The following POLR2B variants were observed in gnomAD, a reference collection of about 807,000 sequenced individuals.
POLR2B encodes RNA polymerase II subunit B, also known as DNA-directed RNA polymerase II subunit RPB2.
A neutral mutation model predicts 144.6 loss-of-function variants in POLR2B; 57 were observed. That is an observed-to-expected ratio of 0.39 (90% CI 0.32 to 0.49). The LOEUF (loss-of-function observed/expected upper bound fraction) is 0.49. POLR2B is among the 20% of genes least tolerant of loss of function. The probability of loss-of-function intolerance (pLI) is 0.83; values close to 1 mark genes in which losing one functional copy is unlikely to be tolerated. For synonymous variants in POLR2B, 442 were observed against 469.8 expected, an observed-to-expected ratio of 0.94 and a Z score of 0.77; for missense variants, 595 against 1,467.4, an observed-to-expected ratio of 0.41 and a Z score of 9.71.
chr4:56,981,102 C>T (rs1262175638), intron 1 of POLR2B, among the ~76,000 whole-genome samples: 1 of 152,148 alleles, frequency 6.6e-6, no homozygotes, highest in Non-Finnish European at 1.5e-5. Context: ...CAAGCCCAGC[C>T]TCCACAGTTT....
At chr4:57,007,060 G>T in intron 10 of POLR2B, 58 bp downstream of exon 10, 1 of 1,176,102 alleles carries the variant, frequency 8.5e-7, no homozygotes, top group East Asian at 2.4e-5. Flanking sequence ...AGGACTAGTA[G>T]ATTCTTTTGT....
At position 57,017,360 on chromosome 4, in the gene POLR2B, T is replaced by C. The variant is rs1462879528; in HGVS notation, c.2154+119T>C. On this transcript the variant is annotated intron_variant, in intron 15 of 24. Coordinates refer to ENST00000314595, the MANE Select transcript of POLR2B (RefSeq NM_000938.3). The surrounding 1 kb of genome is among the most constrained non-coding windows in gnomAD (Gnocchi z 4.8). ...TTTTAATGAAAAGGCTATTAACTCC[T>C]ACGGAATCAGTATTTGATATAATTG... is the stretch of plus-strand genomic sequence containing the variant. 8.6e-6 allele frequency: 7 copies of C among 814,184 alleles called. No individual in the cohort carries two copies. The East Asian group carries it at 1.2e-4, about 14-fold the overall frequency. The allele number at this position is 814,184 out of a possible 1,614,324, so 50.4% of individuals were successfully genotyped here.
chr4:57,021,582 G>A (rs1723552454), intron 17 of POLR2B, among the ~76,000 whole-genome samples: 1 of 146,780 alleles, frequency 6.8e-6, no homozygotes, highest in Non-Finnish European at 1.5e-5. Flanking sequence ...CTGCCTCCCA[G>A]GTTTCAAGAG....
intron 18 of POLR2B, 78 bp downstream of exon 18, chr4:57,022,324 T>G: frequency 1.7e-5 from 14 of 841,890 alleles, no homozygotes; most frequent in Non-Finnish European, 2.6e-5. Context: ...TGATGGGTTG[T>G]GTCACCCTGT....
At chr4:57,003,322 C>T (rs1029696680) in intron 7 of POLR2B, among the ~76,000 whole-genome samples, 1 of 152,110 alleles carries the variant, frequency 6.6e-6, no homozygotes, top group Admixed American at 6.6e-5. Context: ...CCCAGCTACT[C>T]AGGAGGCTGA....
chr4:57,007,743 A>G (rs1448111103), intron 10 of POLR2B, among the ~76,000 whole-genome samples: 2 of 152,204 alleles, frequency 1.3e-5, no homozygotes, highest in Non-Finnish European at 2.9e-5. Flanking sequence ...AGATGGAGTA[A>G]TGGAGAAAAG....
chr4:57,023,394 A>T lies in POLR2B; in HGVS notation c.2580A>T (p.Val860=). The T allele has an allele frequency of 5.6e-6, 9 of 1,613,902 alleles. No individual in the cohort carries two copies. Among genetic ancestry groups the T allele is most frequent in the Non-Finnish European group, 6.8e-6 (8 of 1,179,788 alleles). Residue 860 remains valine (V), a synonymous_variant, in exon 19 of 25, where the codon GTA becomes GTT. Transcript: ENST00000314595. The surrounding 1 kb of genome is among the most constrained non-coding windows in gnomAD (Gnocchi z 4.3). The part of the protein sequence containing the change: ...DDGLIAPGVR[V]SGDDVIIGKT... ...GTTTGATAGCTCCAGGGGTTCGTGTATCAGGAGATGATGTTATTATAGGCA... is the reference window on the plus strand; with the variant it reads ...GTTTGATAGCTCCAGGGGTTCGTGTTTCAGGAGATGATGTTATTATAGGCA...
Position 57,023,983 on chromosome 4 carries a change from C to A in POLR2B, c.2857-22C>A. 1.5e-6 allele frequency: 2 copies of A among 1,377,078 alleles called. No individual in the cohort carries two copies. The highest frequency in any genetic ancestry group is 1.3e-5 in the South Asian group (1 of 77,586). The allele number at this position is 1,377,078 out of a possible 1,614,324, so 85.3% of individuals were successfully genotyped here. A position where few individuals can be genotyped will look rare whatever the true frequency, so the allele number is the denominator to read the frequency against. On this transcript the variant is annotated intron_variant, in intron 20 of 24. Transcript: ENST00000314595. The surrounding 1 kb of genome is among the most constrained non-coding windows in gnomAD (Gnocchi z 4.3). The stretch of plus-strand genomic sequence containing the variant: ...GTTTAGTATATGTATCTTTGAGTCC[C>A]TTTTAAAATTTTTCTTTGTAGGATA...
intron 3 of POLR2B, 113 bp from the exon 4 acceptor site, chr4:56,994,291 C>G: frequency 1.6e-6 from 1 of 618,436 alleles, no homozygotes; most frequent in East Asian, 2.8e-5. Context: ...ATTAATTTTG[C>G]CAGTTTGTAG....
chr4:56,987,462 A>G (rs191876776), intron 2 of POLR2B, among the ~76,000 whole-genome samples: 1 of 152,174 alleles, frequency 6.6e-6, no homozygotes, highest in Non-Finnish European at 1.5e-5. Context: ...ATGATGATGG[A>G]TGCCTCTCTG....
chr4:56,991,788 C>T (rs1722514669), intron 3 of POLR2B, among the ~76,000 whole-genome samples: 2 of 151,968 alleles, frequency 1.3e-5, no homozygotes, highest in African/African-American at 2.4e-5. Flanking sequence ...TTCTTTTTTA[C>T]AGGGTCTATA....
intron 18 of POLR2B, among the ~76,000 whole-genome samples, chr4:57,022,900 ATTGAG>A (rs1181183114): frequency 2.0e-5 from 3 of 152,196 alleles, no homozygotes; most frequent in African/African-American, 7.2e-5. Context: ...TGGAGTTAAG[ATTGAG>A]TTAAGATGAA....
intron 7 of POLR2B, among the ~76,000 whole-genome samples, chr4:57,003,267 T>A (rs1289243821): frequency 6.6e-6 from 1 of 151,140 alleles, no homozygotes; most frequent in Non-Finnish European, 1.5e-5. Context: ...CTGTGTCTAC[T>A]AAAAATACAA....
At chr4:57,016,800 G>A (rs1273625281) in intron 14 of POLR2B, among the ~76,000 whole-genome samples, 2 of 149,442 alleles carry the variant, frequency 1.3e-5, no homozygotes, top group Admixed American at 6.7e-5. Context: ...ACTGGTAACA[G>A]TTAGGTGTGT....
chr4:57,014,435 T>G (rs779360538), intron 13 of POLR2B, among the ~76,000 whole-genome samples: 2 of 152,050 alleles, frequency 1.3e-5, no homozygotes, highest in Non-Finnish European at 2.9e-5. Flanking sequence ...CTCAAGGTGA[T>G]CTGCCCACCT....
At chr4:57,027,057 G>A (rs1723744985) in intron 23 of POLR2B, among the ~76,000 whole-genome samples, 1 of 152,046 alleles carries the variant, frequency 6.6e-6, no homozygotes, top group Non-Finnish European at 1.5e-5. Context: ...CACCCAGGCT[G>A]GAGTGCAGTG....
In POLR2B at chr4:56,988,344, TG is replaced by T. The variant is rs1305963900; in HGVS notation, c.92+1920del. On this transcript the variant is annotated intron_variant, in intron 2 of 24. Transcript: ENST00000314595. ...TAGAAGGCTGTGGGGAAAGGGCCCC[TG>T]GCCACAGGTAGAATTAAGAAATTTG... 5.3e-5 allele frequency among the ~76,000 whole-genome samples: 8 copies of T among 152,042 alleles called. 1 individual carries two copies. Among genetic ancestry groups the T allele is most frequent in the African/African-American group, 1.4e-4 (6 of 41,500 alleles).
rs749048373 is a variant in POLR2B, at chr4:57,006,871, C to T, written c.1273C>T (p.Arg425Ter). ...GATCTATGCACAGAAATTTATTGATCGAGGAAAGGATTTTAACTTGGAGTT... is the reference window on the plus strand; with the variant it reads ...GATCTATGCACAGAAATTTATTGATTGAGGAAAGGATTTTAACTTGGAGTT... ...VRIYAQKFID[R>*]GKDFNLELAI... is the part of the protein sequence containing the mutation. The change falls in exon 10 of 25, where the codon CGA (arginine) becomes TGA (stop). Residue 425 changes from arginine to a stop codon, truncating the protein, a stop_gained. Transcript: ENST00000314595. LOFTEE classifies it high-confidence loss of function. The T allele has an allele frequency of 1.9e-6, 3 of 1,613,214 alleles. No homozygotes were observed. Among genetic ancestry groups the T allele is most frequent in the South Asian group, 1.1e-5 (1 of 91,038 alleles).
rs34594071 is a variant in POLR2B, at chr4:57,012,655, G to GTT, written c.1800+1561_1800+1562dup. ...CCTTTTCCAGCAGCAGACCCTGAGTGTTTTTTTGTTATTGTTGTTGGGGGG... is the reference window on the plus strand; with the variant it reads ...CCTTTTCCAGCAGCAGACCCTGAGTGTTTTTTTTTGTTATTGTTGTTGGGGGG... On this transcript the variant is annotated intron_variant, in intron 13 of 24. Coordinates refer to ENST00000314595, the MANE Select transcript of POLR2B (RefSeq NM_000938.3). Among the ~76,000 whole-genome samples, 3 of 151,764 alleles carry GTT rather than the reference G, an allele frequency of 2.0e-5. No homozygotes were observed. The South Asian group carries it at 6.3e-4, about 32-fold the overall frequency.
Sources: allele counts gnomAD v4.1 joint callset (sites outside exome capture counted in the v4.1 genomes callset), GRCh38; gene constraint gnomAD v4.1.1; non-coding constraint Gnocchi (gnomAD v3.1); transcripts MANE v1.5; gene names NCBI Gene and HGNC (gene_info 2026-07-23, HGNC 2026-07-21).